KIF26B: variants seen among roughly 807,000 people sequenced by gnomAD.
The protein encoded by KIF26B is kinesin-like protein KIF26B.
A neutral mutation model predicts 151.2 loss-of-function variants in KIF26B; 63 were observed. The observed-to-expected ratio is 0.42, with a 90% confidence interval of 0.34 to 0.51. The LOEUF is 0.51. Ranked by LOEUF, KIF26B falls within the 20% of genes least tolerant of loss-of-function variation. The pLI, the probability that KIF26B is intolerant of heterozygous loss-of-function variation, is 0.07. For synonymous variants in KIF26B, 1,357 were observed against 1,262.1 expected (o/e 1.08, Z -1.59); for missense variants, 2,813 against 2,913.6 (o/e 0.97, Z 0.79).
intron 9 of KIF26B, among the ~76,000 whole-genome samples, chr1:245,628,780 A>G (rs10924262): frequency 0.091 from 13,817 of 152,202 alleles, 780 homozygotes; most frequent in Admixed American, 0.18. Flanking sequence ...GAAATAAAGC[A>G]TATTCAAATA....
chr1:245,281,824 G>A lies in KIF26B; in HGVS notation c.466-85010G>A, dbSNP rs893394571. On this transcript the variant is annotated intron_variant, in intron 2 of 14. Coordinates refer to ENST00000407071, the MANE Select transcript of KIF26B (RefSeq NM_018012.4). The stretch of plus-strand genomic sequence containing the variant: ...ATCCAGTTTCAGCTTTCTACATATG[G>A]CTAGCCAGTTTTCCCAGCACCATTT... Among the ~76,000 whole-genome samples the A allele has an allele frequency of 2.0e-3, 308 of 151,642 alleles. 2 individuals carry two copies. The highest frequency in any genetic ancestry group is 7.2e-3 in the African/African-American group (296 of 41,342).
At chr1:245,579,735 C>G (rs1204587304) in intron 5 of KIF26B, among the ~76,000 whole-genome samples, 1 of 152,024 alleles carries the variant, frequency 6.6e-6, no homozygotes, top group Non-Finnish European at 1.5e-5. Context: ...GTAATCCCAG[C>G]TGCTTGGGAG....
intron 9 of KIF26B, among the ~76,000 whole-genome samples, chr1:245,615,518 GT>G (rs1443539770): frequency 6.6e-6 from 1 of 152,158 alleles, no homozygotes; most frequent in Non-Finnish European, 1.5e-5. Context: ...CCTAAACCCA[GT>G]GATCCACCCC....
At chr1:245,336,282 A>G (rs969638505) in intron 2 of KIF26B, among the ~76,000 whole-genome samples, 1 of 152,242 alleles carries the variant, frequency 6.6e-6, no homozygotes, top group African/African-American at 2.4e-5. Context: ...TCTCAGAAAG[A>G]AGAGAGAGGA....
At chr1:245,662,703 CCCAATG>C (rs1558257710) in intron 10 of KIF26B, among the ~76,000 whole-genome samples, 133 of 77,196 alleles carry the variant, frequency 1.7e-3, no homozygotes, top group East Asian at 0.012. Flanking sequence ...TATATATAAA[CCCAATG>C]ATACATATAC....
At chr1:245,470,246 G>A (rs557172772) in intron 4 of KIF26B, among the ~76,000 whole-genome samples, 20 of 152,176 alleles carry the variant, frequency 1.3e-4, no homozygotes, top group African/African-American at 2.2e-4. Flanking sequence ...GGTAGTGCTC[G>A]TGTGTTAGGC....
At chr1:245,635,138 G>A (rs1397229264) in intron 9 of KIF26B, among the ~76,000 whole-genome samples, 1 of 128,326 alleles carries the variant, frequency 7.8e-6, no homozygotes, top group Admixed American at 8.2e-5. Flanking sequence ...GTTTGCTTTT[G>A]GTATCAGATT....
At chr1:245,180,537 A>G (rs1409460141) in intron 2 of KIF26B, among the ~76,000 whole-genome samples, 1 of 152,206 alleles carries the variant, frequency 6.6e-6, no homozygotes, top group East Asian at 1.9e-4. Flanking sequence ...AGTAGGTGCT[A>G]GCTATCATCT....
At chr1:245,172,880 A>G (rs141680535) in intron 2 of KIF26B, among the ~76,000 whole-genome samples, 139 of 152,360 alleles carry the variant, frequency 9.1e-4, no homozygotes, top group African/African-American at 3.0e-3. Flanking sequence ...TGAAATAACA[A>G]TGTAAGATTT....
intron 2 of KIF26B, among the ~76,000 whole-genome samples, chr1:245,210,307 C>T (rs986764886): frequency 4.6e-5 from 7 of 152,214 alleles, no homozygotes; most frequent in Non-Finnish European, 4.4e-5. Context: ...GGGCTCCAAC[C>T]AGCCGGGGCA....
rs977533203 is a variant in KIF26B at position 245,572,569 on chromosome 1, A to G, written c.1351-30008A>G. ...TAAAATTCCTACTCGCTGCAGTGGG[A>G]AATTTTATGTTATGTGAATTTTATC... On this transcript the variant is annotated intron_variant, in intron 5 of 14. Coordinates refer to ENST00000407071, the MANE Select transcript of KIF26B (RefSeq NM_018012.4). The surrounding 1 kb of genome is among the most constrained non-coding windows in gnomAD (Gnocchi z 4.2). 2.0e-5 allele frequency among the ~76,000 whole-genome samples: 3 copies of G among 152,290 alleles called. No homozygotes were observed. The highest frequency in any genetic ancestry group is 4.2e-4 in the South Asian group (2 of 4,814).
intron 10 of KIF26B, among the ~76,000 whole-genome samples, chr1:245,668,824 G>A (rs2044248704): frequency 6.6e-6 from 1 of 152,136 alleles, no homozygotes; most frequent in Admixed American, 6.6e-5. Flanking sequence ...CAAGTAGCTG[G>A]GATTACAGGC....
chr1:245,267,372 G>A (rs1670764941), intron 2 of KIF26B, among the ~76,000 whole-genome samples: 1 of 152,128 alleles, frequency 6.6e-6, no homozygotes, highest in Non-Finnish European at 1.5e-5. Context: ...GATGTTACAA[G>A]CCCAGCATTG....
Position 245,688,298 on chromosome 1 carries a change from G to A in KIF26B, c.5315G>A (p.Ser1772Asn). Residue 1772 changes from serine (S) to asparagine (N), a missense_variant, in exon 12 of 15, where the codon AGC becomes AAC. Physicochemically the swap from Ser to Asn is conservative, Grantham distance 46. Coordinates refer to ENST00000407071, the MANE Select transcript of KIF26B (RefSeq NM_018012.4). ...SLPQAVGQGS[S>N]SPPGGKHTPW... is the part of the protein sequence containing the mutation. ...CCGCAGGCGGTGGGCCAGGGCTCCAGCTCGCCCCCCGGTGGGAAGCACACG... is the reference window on the plus strand; with the variant it reads ...CCGCAGGCGGTGGGCCAGGGCTCCAACTCGCCCCCCGGTGGGAAGCACACG... 6.3e-7 allele frequency: 1 copy of A among 1,596,290 alleles called. No individual in the cohort carries two copies. Among genetic ancestry groups the A allele is most frequent in the Non-Finnish European group, 8.5e-7 (1 of 1,178,314 alleles).
Position 245,438,567 on chromosome 1 carries a change from G to A in KIF26B, c.1166+18822G>A, listed in dbSNP as rs144731191. Among the ~76,000 whole-genome samples the A allele has an allele frequency of 5.3e-5, 8 of 152,194 alleles. No individual in the cohort carries two copies. In the East Asian group the frequency reaches 7.7e-4, roughly 15 times the overall value. On this transcript the variant is annotated intron_variant, in intron 4 of 14. Transcript: ENST00000407071. Reference sequence around the variant, plus strand: ...TACCAAAGAAAAATGAAACGAAGGCGTTTGTTCACGTCGAGACTTGCCCGT... The same window carrying A: ...TACCAAAGAAAAATGAAACGAAGGCATTTGTTCACGTCGAGACTTGCCCGT...
intron 2 of KIF26B, among the ~76,000 whole-genome samples, chr1:245,268,532 A>T (rs1255760523): frequency 3.2e-4 from 39 of 122,410 alleles, no homozygotes; most frequent in East Asian, 1.3e-3. Flanking sequence ...TTTTTTTTAA[A>T]AATTGGGATT....
intron 4 of KIF26B, among the ~76,000 whole-genome samples, chr1:245,454,519 C>T (rs1659469094): frequency 6.6e-6 from 1 of 152,146 alleles, no homozygotes; most frequent in Non-Finnish European, 1.5e-5. Flanking sequence ...CTCTGAGGTG[C>T]TCAGAGGCAT....
intron 2 of KIF26B, among the ~76,000 whole-genome samples, chr1:245,205,498 A>G (rs940825827): frequency 1.3e-5 from 2 of 152,180 alleles, no homozygotes; most frequent in African/African-American, 4.8e-5. Context: ...AGCAACACTA[A>G]TTACCATAAG....
At chr1:245,681,983 C>A (rs1364852361) in intron 10 of KIF26B, among the ~76,000 whole-genome samples, 4 of 152,218 alleles carry the variant, frequency 2.6e-5, no homozygotes, top group Non-Finnish European at 5.9e-5. Context: ...TGGCTCACAC[C>A]TGTAATCCCA....
Sources: allele counts gnomAD v4.1 joint callset (sites outside exome capture counted in the v4.1 genomes callset), GRCh38; gene constraint gnomAD v4.1.1; non-coding constraint Gnocchi (gnomAD v3.1); transcripts MANE v1.5; gene names NCBI Gene and HGNC (gene_info 2026-07-23, HGNC 2026-07-21).